Variants in PRKN observed in about 807,000 individuals in gnomAD.
PRKN encodes the protein E3 ubiquitin-protein ligase parkin.
In PRKN, 56 loss-of-function variants were observed where a neutral mutation model predicts 59.5. The observed-to-expected ratio is 0.94, with a 90% confidence interval of 0.76 to 1.18. PRKN has a LOEUF of 1.18. PRKN is among the 50% of genes most tolerant of loss of function. The pLI is 0.00. For missense variants in PRKN, 657 were observed against 596.4 expected, an observed-to-expected ratio of 1.10 and a Z score of -1.06; for synonymous variants, 250 against 222.1, an observed-to-expected ratio of 1.13 and a Z score of -1.12.
At chr6:161,433,544 CAT>C (rs1420182829) in intron 9 of PRKN, among the ~76,000 whole-genome samples, 5 of 152,006 alleles carry the variant, frequency 3.3e-5, no homozygotes, top group East Asian at 3.9e-4. Context: ...AATATAAACA[CAT>C]GTTAGAGAAT....
intron 6 of PRKN, among the ~76,000 whole-genome samples, chr6:161,961,535 T>C (rs1206075901): frequency 6.6e-6 from 1 of 152,152 alleles, no homozygotes; most frequent in African/African-American, 2.4e-5. Flanking sequence ...AAATAAAGTT[T>C]GGGTCCCTGT....
chr6:162,616,215 C>T (rs79232050), intron 1 of PRKN, among the ~76,000 whole-genome samples: 1,873 of 152,226 alleles, frequency 0.012, 19 homozygotes, highest in Middle Eastern at 0.02. Context: ...CTTCTGAAGA[C>T]TTTGTGCATT....
At chr6:162,331,756 A>G (rs970357456) in intron 2 of PRKN, among the ~76,000 whole-genome samples, 1 of 152,186 alleles carries the variant, frequency 6.6e-6, no homozygotes, top group African/African-American at 2.4e-5. Flanking sequence ...CAGTTTTCCT[A>G]AAAGCCATAG....
intron 6 of PRKN, among the ~76,000 whole-genome samples, chr6:161,907,803 C>T (rs1463830081): frequency 3.3e-5 from 5 of 152,142 alleles, no homozygotes; most frequent in Admixed American, 1.3e-4. Flanking sequence ...TCCGGCGAGG[C>T]GCAGGGGCTT....
rs553933572 is a variant in PRKN at position 161,537,660 on chromosome 6, C to T, written c.1083+11194G>A. Among the ~76,000 whole-genome samples, 122 of 152,198 alleles carry T rather than the reference C, an allele frequency of 8.0e-4. 1 individual carries two copies. The South Asian group carries it at 8.7e-3, about 11-fold the overall frequency. ...TAGAGACGGGGTTTCACCATGTTAGCCTGGATGGTCTCGATCTCCTGACCT... is the reference window on the plus strand; with the variant it reads ...TAGAGACGGGGTTTCACCATGTTAGTCTGGATGGTCTCGATCTCCTGACCT... On this transcript the variant is annotated intron_variant, in intron 9 of 11. Coordinates refer to ENST00000366898, the MANE Select transcript of PRKN (RefSeq NM_004562.3).
At chr6:162,464,016 A>G (rs1205710832) in intron 1 of PRKN, among the ~76,000 whole-genome samples, 1 of 152,202 alleles carries the variant, frequency 6.6e-6, no homozygotes, top group Admixed American at 6.5e-5. Context: ...TTTTATTTTA[A>G]TCAAAGACTG....
At chr6:162,541,262 G>A (rs1778916232) in intron 1 of PRKN, among the ~76,000 whole-genome samples, 1 of 152,196 alleles carries the variant, frequency 6.6e-6, no homozygotes, top group Non-Finnish European at 1.5e-5. Flanking sequence ...AGTGCGTGGT[G>A]CATCATTTCA....
intron 1 of PRKN, among the ~76,000 whole-genome samples, chr6:162,677,272 G>T (rs1779589833): frequency 6.6e-6 from 1 of 151,646 alleles, no homozygotes; most frequent in African/African-American, 2.4e-5. Context: ...CAGGTAAAAA[G>T]GATTAATAAA....
chr6:161,762,795 G>T (rs1168282128), intron 7 of PRKN, among the ~76,000 whole-genome samples: 1 of 152,114 alleles, frequency 6.6e-6, no homozygotes, highest in Non-Finnish European at 1.5e-5. Flanking sequence ...GGCCACCATT[G>T]CTCTCAAATA....
At chr6:161,893,186 C>G (rs1777481952) in intron 6 of PRKN, among the ~76,000 whole-genome samples, 1 of 152,190 alleles carries the variant, frequency 6.6e-6, no homozygotes, top group African/African-American at 2.4e-5. Context: ...CATATTTATA[C>G]ATTCCCCTTT....
intron 3 of PRKN, among the ~76,000 whole-genome samples, chr6:162,224,199 C>T (rs893170096): frequency 6.6e-6 from 1 of 152,156 alleles, no homozygotes; most frequent in Non-Finnish European, 1.5e-5. Context: ...GTTTACAGAA[C>T]TGCCTAACAA....
Position 162,201,559 on chromosome 6 carries a change from T to C in PRKN, c.413-307A>G, listed in dbSNP as rs901907090. 6.6e-5 allele frequency among the ~76,000 whole-genome samples: 10 copies of C among 152,182 alleles called. No homozygotes were observed. In the East Asian group the frequency reaches 1.7e-3, roughly 26 times the overall value. On this transcript the variant is annotated intron_variant, in intron 3 of 11. Transcript: ENST00000366898. The stretch of plus-strand genomic sequence containing the variant: ...CAACACAGTAAAATCAGAGGCACTC[T>C]TTGCCGAGGAAGTTTGAAAAGATGA...
At position 161,419,420 on chromosome 6, in the gene PRKN, C is replaced by T. The variant is rs1228965019; in HGVS notation, c.1084-32543G>A. 1.3e-5 allele frequency among the ~76,000 whole-genome samples: 2 copies of T among 151,208 alleles called. No homozygotes were observed. The highest frequency in any genetic ancestry group is 1.3e-4 in the Admixed American group (2 of 15,182). On this transcript the variant is annotated intron_variant, in intron 9 of 11. Transcript: ENST00000366898. This position sits in a 1 kb window ranked among gnomAD's most constrained non-coding sequence, Gnocchi z 4.1. Reference sequence around the variant, plus strand: ...CTTTTTTTTTTTAAATGGAGTCTCGCTCTGTTGCCCAGGCTGGAGTGCAGT... The same window carrying T: ...CTTTTTTTTTTTAAATGGAGTCTCGTTCTGTTGCCCAGGCTGGAGTGCAGT...
chr6:161,543,058 G>T (rs556342141), intron 9 of PRKN, among the ~76,000 whole-genome samples: 4 of 151,770 alleles, frequency 2.6e-5, no homozygotes, highest in Admixed American at 6.6e-5. Context: ...CTCTTTCCAA[G>T]GTCCACCTAT....
intron 2 of PRKN, among the ~76,000 whole-genome samples, chr6:162,301,013 T>C (rs775645089): frequency 5.9e-5 from 9 of 152,066 alleles, no homozygotes; most frequent in Non-Finnish European, 1.3e-4. Flanking sequence ...TCCACAGTTT[T>C]ATAACTTCTG....
intron 1 of PRKN, among the ~76,000 whole-genome samples, chr6:162,723,959 A>T (rs1465360489): frequency 6.6e-6 from 1 of 152,194 alleles, no homozygotes; most frequent in East Asian, 1.9e-4. Context: ...GTTTTTGTCA[A>T]TCAAAAATCT....
intron 3 of PRKN, among the ~76,000 whole-genome samples, chr6:162,226,700 T>C (rs1227152322): frequency 6.6e-6 from 1 of 152,072 alleles, no homozygotes; most frequent in African/African-American, 2.4e-5. Flanking sequence ...CGCCCAGCTA[T>C]TTTTTGTATT....
chr6:161,670,541 C>T (rs1007059873), intron 7 of PRKN, among the ~76,000 whole-genome samples: 4 of 152,158 alleles, frequency 2.6e-5, no homozygotes, highest in African/African-American at 9.7e-5. Flanking sequence ...TCAAGCTGGG[C>T]GCAGTGGCTC....
At chr6:162,145,799 CA>C (rs1347960229) in intron 4 of PRKN, among the ~76,000 whole-genome samples, 1 of 152,130 alleles carries the variant, frequency 6.6e-6, no homozygotes, top group Admixed American at 6.5e-5. Flanking sequence ...AGTGAAGTTA[CA>C]AAGGTCATAC....
Sources: allele counts gnomAD v4.1 joint callset (sites outside exome capture counted in the v4.1 genomes callset), GRCh38; gene constraint gnomAD v4.1.1; non-coding constraint Gnocchi (gnomAD v3.1); transcripts MANE v1.5; gene names NCBI Gene and HGNC (gene_info 2026-07-23, HGNC 2026-07-21).